FDFT1: variants seen among roughly 807,000 people sequenced by gnomAD.
FDFT1 encodes squalene synthase.
FDFT1 carries 68 observed loss-of-function variants against 46.8 expected under a neutral mutation model. That is an observed-to-expected ratio of 1.45 (90% CI 1.19 to 1.78). The LOEUF (loss-of-function observed/expected upper bound fraction) is 1.78. FDFT1 is among the 40% of genes most tolerant of loss of function. FDFT1 has a pLI of 0.00. For missense variants in FDFT1, 928 were observed against 524.4 expected, an observed-to-expected ratio of 1.77 and a Z score of -7.52; for synonymous variants, 351 against 185.1, an observed-to-expected ratio of 1.90 and a Z score of -7.28.
At chr8:11,826,412 TCA>T (rs1466669406) in intron 5 of FDFT1, among the ~76,000 whole-genome samples, 197 bp downstream of exon 5, 1 of 152,180 alleles carries the variant, frequency 6.6e-6, no homozygotes, top group East Asian at 1.9e-4. Context: ...CACCACGTAA[TCA>T]GTATATTCAA....
Position 11,826,038 on chromosome 8 carries a change from T to C in FDFT1, c.525T>C (p.Val175=), listed in dbSNP as rs1809929084. ...GTCTCTTACAGTACTGCCACTATGT[T>C]GCTGGGCTGGTCGGAATTGGCCTTT... ...EQEWDKYCHY[V]AGLVGIGLSR... is the part of the protein sequence containing the mutation. Residue 175 remains valine (V), a synonymous_variant, in exon 5 of 8, where the codon GTT becomes GTC. Transcript: ENST00000220584. The C allele has an allele frequency of 6.3e-7, 1 of 1,594,724 alleles. No individual in the cohort carries two copies. The highest frequency in any genetic ancestry group is 1.3e-5 in the African/African-American group (1 of 74,672).
chr8:11,806,801 T>C (rs1013005468), intron 1 of FDFT1, among the ~76,000 whole-genome samples: 15 of 152,212 alleles, frequency 9.9e-5, no homozygotes, highest in African/African-American at 3.6e-4. Flanking sequence ...AGGAAGGAGT[T>C]GGTGAATTGT....
chr8:11,806,528 A>G (rs1429318957), intron 1 of FDFT1, among the ~76,000 whole-genome samples: 1 of 152,122 alleles, frequency 6.6e-6, no homozygotes, highest in East Asian at 1.9e-4. Context: ...GGAGGGCTGT[A>G]TGGAAAGGAG....
At chr8:11,802,125 G>A (rs1806184772), upstream of FDFT1, 2 of 454,318 alleles carry the variant, frequency 4.4e-6, no homozygotes, top group Non-Finnish European at 8.8e-6. Flanking sequence ...AGAGGGGGCA[G>A]CTGAAGCTCC....
intron 7 of FDFT1, among the ~76,000 whole-genome samples, chr8:11,837,551 G>A (rs1293328): frequency 0.19 from 29,392 of 152,132 alleles, 3,241 homozygotes; most frequent in Middle Eastern, 0.27. Context: ...TTACTAGACT[G>A]TAGAGAGGGA....
intron 3 of FDFT1, among the ~76,000 whole-genome samples, chr8:11,816,028 T>A (rs1585913470): frequency 6.6e-6 from 1 of 152,222 alleles, no homozygotes; most frequent in African/African-American, 2.4e-5. Flanking sequence ...TCAGTCCATC[T>A]TGAGTTAATT....
intron 3 of FDFT1, among the ~76,000 whole-genome samples, chr8:11,811,924 T>C (rs1020120292): frequency 3.3e-5 from 5 of 152,222 alleles, no homozygotes; most frequent in Admixed American, 3.3e-4. Flanking sequence ...TGCCTTGTCT[T>C]CTTAAGGAGT....
intron 2 of FDFT1, chr8:11,809,213 T>C: frequency 3.4e-6 from 4 of 1,192,794 alleles, no homozygotes; most frequent in Non-Finnish European, 4.2e-6. Flanking sequence ...TTTGCATTTC[T>C]ATTTCTAGCA....
chr8:11,811,964 A>G (rs1308963157), intron 3 of FDFT1, among the ~76,000 whole-genome samples: 6 of 152,202 alleles, frequency 3.9e-5, no homozygotes, highest in South Asian at 2.1e-4. Flanking sequence ...ATAGCTCAGT[A>G]TGTCTTTGAA....
Position 11,838,341 on chromosome 8 carries a change from A to G in FDFT1, c.1033-47A>G, listed in dbSNP as rs769947378. On this transcript the variant is annotated intron_variant, in intron 7 of 7. Coordinates refer to ENST00000220584, the MANE Select transcript of FDFT1 (RefSeq NM_004462.5). ...AGGGTTGTTGTAAGTAGCCATGGAA[A>G]ATGTAAAGCACATAGCACTTATCAT... is the stretch of plus-strand genomic sequence containing the variant. 31 of 1,461,264 alleles carry G rather than the reference A, an allele frequency of 2.1e-5. No homozygotes were observed. The Admixed American group carries it at 3.4e-4, about 16-fold the overall frequency. The allele number at this position is 1,461,264 out of a possible 1,614,324, so 90.5% of individuals were successfully genotyped here.
chr8:11,806,692 G>A (rs531401375), intron 1 of FDFT1, among the ~76,000 whole-genome samples: 1 of 152,320 alleles, frequency 6.6e-6, no homozygotes. Context: ...GCTGTAGCCT[G>A]GTAATGGTCA....
intron 1 of FDFT1, chr8:11,808,409 G>C: frequency 4.0e-6 from 5 of 1,238,022 alleles, no homozygotes; most frequent in Non-Finnish European, 5.0e-6. Flanking sequence ...GTTGTGGGTC[G>C]GCCCAGCGCG....
chr8:11,821,341 C>T (rs1809209091), intron 3 of FDFT1, among the ~76,000 whole-genome samples: 1 of 152,200 alleles, frequency 6.6e-6, no homozygotes, highest in African/African-American at 2.4e-5. Flanking sequence ...GCCTGTAATC[C>T]CAGCAGTTTG....
chr8:11,800,785 C>T (rs539723462), upstream of FDFT1, among the ~76,000 whole-genome samples: 1 of 152,172 alleles, frequency 6.6e-6, no homozygotes, highest in African/African-American at 2.4e-5. Flanking sequence ...CTATTTATTC[C>T]TAATTAAATG....
intron 1 of FDFT1, among the ~76,000 whole-genome samples, chr8:11,806,165 C>G (rs1330911583): frequency 6.6e-6 from 1 of 152,100 alleles, no homozygotes; most frequent in African/African-American, 2.4e-5. Flanking sequence ...TTGTCGTCTT[C>G]CTGACCACCC....
intron 1 of FDFT1, among the ~76,000 whole-genome samples, chr8:11,805,113 C>T (rs927945660): frequency 1.5e-4 from 22 of 151,602 alleles, no homozygotes; most frequent in African/African-American, 3.9e-4. Flanking sequence ...CACAATGTCT[C>T]GCTGCATTGC....
rs374221730 is a variant in FDFT1 at position 11,838,540 on chromosome 8, C to T, written c.1185C>T (p.Ala395=). 11 of 1,612,026 alleles carry T rather than the reference C, an allele frequency of 6.8e-6. No homozygotes were observed. The highest frequency in any genetic ancestry group is 9.3e-6 in the Non-Finnish European group (11 of 1,179,124). ...IYLSFVMLLA[A]LSWQYLTTLS... is the part of the protein sequence containing the mutation. Reference sequence around the variant, plus strand: ...TGTCGTTTGTCATGCTTTTGGCTGCCCTGAGCTGGCAGTACCTGACCACTC... The same window carrying T: ...TGTCGTTTGTCATGCTTTTGGCTGCTCTGAGCTGGCAGTACCTGACCACTC... The change falls in exon 8 of 8, where the codon GCC becomes GCT. Residue 395 remains alanine (A), a synonymous_variant. Transcript: ENST00000220584.
chr8:11,834,456 T>C (rs1236437201), intron 7 of FDFT1, among the ~76,000 whole-genome samples: 1 of 152,208 alleles, frequency 6.6e-6, no homozygotes, highest in African/African-American at 2.4e-5. Context: ...GCACACTTCC[T>C]GTGCCCTCCT....
chr8:11,833,017 T>G (rs1034327302), intron 7 of FDFT1, among the ~76,000 whole-genome samples: 1 of 152,204 alleles, frequency 6.6e-6, no homozygotes, highest in African/African-American at 2.4e-5. Flanking sequence ...ATTCTTCTTA[T>G]ACTTCCTCCC....
Sources: gnomAD v4.1 joint callset for allele counts (sites outside exome capture counted in the v4.1 genomes callset) on GRCh38, gnomAD v4.1.1 for gene constraint, MANE v1.5 for transcripts, NCBI Gene and HGNC (gene_info 2026-07-23, HGNC 2026-07-21) for gene names.